Variants in TDRD3 observed in about 807,000 individuals in gnomAD.
TDRD3 encodes tudor domain containing 3, also known as tudor domain-containing protein 3.
A neutral mutation model predicts 86.7 loss-of-function variants in TDRD3; 45 were observed. The observed-to-expected ratio is 0.52, with a 90% CI of 0.41 to 0.67. The LOEUF is 0.67. Among genes scored for constraint, TDRD3 ranks in the 30% least tolerant of loss-of-function variants. TDRD3 has a pLI of 0.00. For missense variants in TDRD3, 814 were observed against 889.0 expected (o/e 0.92, Z 1.07); for synonymous variants, 298 against 301.7 (o/e 0.99, Z 0.13).
intron 3 of TDRD3, among the ~76,000 whole-genome samples, chr13:60,451,123 A>C (rs1955529847): frequency 6.6e-6 from 1 of 152,178 alleles, no homozygotes; most frequent in Non-Finnish European, 1.5e-5. Context: ...AATTTCTAAA[A>C]CCTGAATTAT....
At chr13:60,418,081 CA>C (rs1309624466) in intron 1 of TDRD3, among the ~76,000 whole-genome samples, 2 of 152,120 alleles carry the variant, frequency 1.3e-5, no homozygotes, top group Non-Finnish European at 2.9e-5. Context: ...TTGTCACCTA[CA>C]GGATGAAGTC....
intron 13 of TDRD3, among the ~76,000 whole-genome samples, chr13:60,571,469 T>G (rs1958583903): frequency 6.6e-6 from 1 of 152,182 alleles, no homozygotes. Context: ...TGCTGAAATT[T>G]TCTAAGGTTT....
At chr13:60,456,335 A>G (rs1293539263) in intron 3 of TDRD3, among the ~76,000 whole-genome samples, 1 of 152,190 alleles carries the variant, frequency 6.6e-6, no homozygotes, top group Non-Finnish European at 1.5e-5. Flanking sequence ...TTAGGAGTTT[A>G]GATGACAGAG....
intron 13 of TDRD3, among the ~76,000 whole-genome samples, chr13:60,571,724 C>T (rs1456176208): frequency 2.0e-5 from 3 of 151,842 alleles, no homozygotes; most frequent in Admixed American, 2.0e-4. Flanking sequence ...CCCCACAGAT[C>T]CCCTTCCCCC....
intron 1 of TDRD3, among the ~76,000 whole-genome samples, chr13:60,402,649 A>G (rs544484130): frequency 1.3e-5 from 2 of 151,858 alleles, no homozygotes; most frequent in Admixed American, 1.3e-4. Context: ...AATCATTAAA[A>G]CACTTTTTTA....
Position 60,567,626 on chromosome 13 carries a change from C to T in TDRD3, c.2220C>T (p.Pro740=), listed in dbSNP as rs1309974533. 6.2e-7 allele frequency: 1 copy of T among 1,614,162 alleles called. No individual in the cohort carries two copies. The highest frequency in any genetic ancestry group is 1.3e-5 in the African/African-American group (1 of 75,040). ...TRPTQQFYQP[P]RARN ...CAACCCAACAGTTTTACCAACCACC[C>T]CGGGCTCGGAACTAATAGGAAAAGG... Residue 740 remains proline (P), a synonymous_variant, in exon 13 of 14, where the codon CCC becomes CCT. Transcript: ENST00000377881.
intron 1 of TDRD3, among the ~76,000 whole-genome samples, chr13:60,426,913 A>C (rs1260320432): frequency 6.6e-6 from 1 of 152,250 alleles, no homozygotes; most frequent in African/African-American, 2.4e-5. Context: ...TATATGGCAT[A>C]GCCTGTTGCT....
intron 12 of TDRD3, among the ~76,000 whole-genome samples, chr13:60,555,766 G>T (rs1287784244): frequency 6.6e-6 from 1 of 151,702 alleles, no homozygotes. Context: ...AATGGAAAAT[G>T]TAGTGGTTAG....
At chr13:60,476,011 T>C (rs1003120376) in intron 5 of TDRD3, among the ~76,000 whole-genome samples, 3 of 152,172 alleles carry the variant, frequency 2.0e-5, no homozygotes, top group Non-Finnish European at 4.4e-5. Context: ...CTGTTTATAG[T>C]TTCCTTTGCT....
At chr13:60,429,112 T>C (rs1383897221) in intron 1 of TDRD3, among the ~76,000 whole-genome samples, 1 of 152,204 alleles carries the variant, frequency 6.6e-6, no homozygotes, top group Non-Finnish European at 1.5e-5. Flanking sequence ...AGCTGACATA[T>C]ATATGGGACT....
chr13:60,478,126 T>A (rs1956227505), intron 5 of TDRD3, among the ~76,000 whole-genome samples: 1 of 152,116 alleles, frequency 6.6e-6, no homozygotes, highest in Non-Finnish European at 1.5e-5. Context: ...TCTAGGAATG[T>A]ATGCATTTCC....
intron 4 of TDRD3, among the ~76,000 whole-genome samples, chr13:60,464,105 G>A (rs1476938766): frequency 6.6e-6 from 1 of 152,084 alleles, no homozygotes; most frequent in Non-Finnish European, 1.5e-5. Context: ...GCCATGAGTG[G>A]AAGCAACCTG....
intron 11 of TDRD3, among the ~76,000 whole-genome samples, chr13:60,534,018 T>C (rs1445378610): frequency 6.6e-6 from 1 of 152,164 alleles, no homozygotes; most frequent in Non-Finnish European, 1.5e-5. Flanking sequence ...AATTTTAAAA[T>C]TGTAGTTATT....
chr13:60,514,057 T>C (rs1484957798), intron 10 of TDRD3, among the ~76,000 whole-genome samples: 2 of 152,166 alleles, frequency 1.3e-5, no homozygotes, highest in Non-Finnish European at 2.9e-5. Context: ...CCCTAGAGAC[T>C]TGTTGAATGG....
chr13:60,418,065 G>T (rs1234710121), intron 1 of TDRD3, among the ~76,000 whole-genome samples: 1 of 152,068 alleles, frequency 6.6e-6, no homozygotes, highest in African/African-American at 2.4e-5. Context: ...CTAATCTTTA[G>T]ATCTTTTGTC....
intron 4 of TDRD3, among the ~76,000 whole-genome samples, chr13:60,466,392 A>G (rs7990196): frequency 0.095 from 14,509 of 152,210 alleles, 810 homozygotes; most frequent in African/African-American, 0.15. Flanking sequence ...TATTCTATTT[A>G]TCATGTCTTT....
intron 12 of TDRD3, among the ~76,000 whole-genome samples, chr13:60,556,684 A>G (rs1336250508): frequency 2.6e-5 from 4 of 152,144 alleles, no homozygotes; most frequent in Admixed American, 2.6e-4. Context: ...AACTAATAGC[A>G]TTGTATTCCA....
intron 1 of TDRD3, among the ~76,000 whole-genome samples, chr13:60,412,999 T>C (rs191121588): frequency 2.0e-5 from 3 of 152,208 alleles, no homozygotes; most frequent in Admixed American, 6.5e-5. Context: ...TGCTTTTTGC[T>C]GTTACGGCCT....
At chr13:60,525,086 C>CAA (rs372010456) in intron 10 of TDRD3, among the ~76,000 whole-genome samples, 6,189 of 39,374 alleles carry the variant, frequency 0.16, 453 homozygotes, top group East Asian at 0.21. Context: ...AATTTTCTCT[C>CAA]AAAAAAAAAA....
Sources: gnomAD v4.1 joint callset for allele counts (sites outside exome capture counted in the v4.1 genomes callset) on GRCh38, gnomAD v4.1.1 for gene constraint, MANE v1.5 for transcripts, NCBI Gene and HGNC (gene_info 2026-07-23, HGNC 2026-07-21) for gene names.